Variants in MAP3K1 observed in about 807,000 individuals in gnomAD.
MAP3K1 encodes MAP/ERK kinase kinase 1.
In MAP3K1, 36 loss-of-function variants were observed where a neutral mutation model predicts 144.2. That is an observed-to-expected ratio of 0.25 (90% CI 0.19 to 0.33). The LOEUF is 0.33. Ranked by LOEUF, MAP3K1 falls within the 10% of genes least tolerant of loss-of-function variation. The pLI is 1.00. For synonymous variants in MAP3K1, 718 were observed against 688.7 expected (o/e 1.04, Z -0.67); for missense variants, 1,650 against 1,881.9 (o/e 0.88, Z 2.28).
intron 6 of MAP3K1, among the ~76,000 whole-genome samples, chr5:56,869,635 C>T (rs1052499043): frequency 4.6e-5 from 7 of 151,962 alleles, no homozygotes; most frequent in Non-Finnish European, 8.8e-5. Context: ...GGAAATACCC[C>T]GGAATGGTAT....
intron 2 of MAP3K1, among the ~76,000 whole-genome samples, chr5:56,857,274 A>G (rs938574193): frequency 6.6e-6 from 1 of 152,132 alleles, no homozygotes; most frequent in African/African-American, 2.4e-5. Context: ...TAATAGACCT[A>G]TGGGGATTAA....
chr5:56,848,058 A>G (rs1747051364), intron 1 of MAP3K1, among the ~76,000 whole-genome samples: 1 of 151,734 alleles, frequency 6.6e-6, no homozygotes, highest in East Asian at 1.9e-4. Context: ...CTAAAGGGAG[A>G]TTTGGGCATG....
chr5:56,872,743 C>T (rs541110794), intron 8 of MAP3K1, 21 bp downstream of exon 8: 25 of 1,588,672 alleles, frequency 1.6e-5, no homozygotes, highest in Admixed American at 6.7e-5. Flanking sequence ...TGAAATGATA[C>T]GGATATGTTT....
intron 6 of MAP3K1, among the ~76,000 whole-genome samples, chr5:56,871,426 T>C (rs893990002): frequency 1.2e-4 from 19 of 152,204 alleles, no homozygotes; most frequent in African/African-American, 4.6e-4. Flanking sequence ...AAATGTGATG[T>C]GTTCCTAGAT....
Position 56,894,992 on chromosome 5 carries a change from TGA to T in MAP3K1, c.*1314_*1315del, listed in dbSNP as rs1430454572. 2.2e-5 allele frequency: 5 copies of T among 231,824 alleles called. No homozygotes were observed. Among genetic ancestry groups the T allele is most frequent in the African/African-American group, 1.1e-4 (5 of 45,310 alleles). 14.4% of individuals were successfully genotyped at this position (231,824 alleles called of 1,614,324 possible). On this transcript the variant is annotated 3_prime_UTR_variant, in exon 20 of 20. Coordinates refer to ENST00000399503, the MANE Select transcript of MAP3K1 (RefSeq NM_005921.2). ...GCTTTTTAATCTTTTTGTGTGTGTG[TGA>T]GTCTTTTAAATCAAGTACTGATTAA...
intron 3 of MAP3K1, chr5:56,861,971 T>C (rs1747528808): frequency 6.6e-6 from 1 of 152,206 alleles, no homozygotes; most frequent in Non-Finnish European, 1.5e-5. Context: ...CATTTTACAG[T>C]AAAACCTGAT....
At chr5:56,835,924 T>C (rs555864019) in intron 1 of MAP3K1, among the ~76,000 whole-genome samples, 1 of 152,230 alleles carries the variant, frequency 6.6e-6, no homozygotes, top group Admixed American at 6.5e-5. Context: ...GTTAGAAATG[T>C]TTGTGTTCTC....
At chr5:56,822,255 C>G (rs62355952) in intron 1 of MAP3K1, among the ~76,000 whole-genome samples, 1 of 152,148 alleles carries the variant, frequency 6.6e-6, no homozygotes, top group Admixed American at 6.5e-5. Flanking sequence ...GAACTCCTGA[C>G]CTCAAGTGAT....
intron 1 of MAP3K1, among the ~76,000 whole-genome samples, chr5:56,831,516 G>A (rs1423147540): frequency 6.6e-6 from 1 of 151,870 alleles, no homozygotes; most frequent in Non-Finnish European, 1.5e-5. Context: ...TTTGTAATTC[G>A]AGTTTAATCA....
At chr5:56,852,781 C>T (rs1249917122) in intron 1 of MAP3K1, among the ~76,000 whole-genome samples, 1 of 152,088 alleles carries the variant, frequency 6.6e-6, no homozygotes, top group African/African-American at 2.4e-5. Context: ...TTGGAGATGG[C>T]TCTCATCTCC....
rs575823630 is a variant in MAP3K1 at position 56,891,749 on chromosome 5, A to C, written c.4390-1782A>C. ...AAGGGATCCAGTTTCAGCTTTCTAC[A>C]TATGGCTAGCCAGTTTTCCCAGAAC... On this transcript the variant is annotated intron_variant, in intron 19 of 19. Coordinates refer to ENST00000399503, the MANE Select transcript of MAP3K1 (RefSeq NM_005921.2). Among the ~76,000 whole-genome samples, 6 of 152,336 alleles carry C rather than the reference A, an allele frequency of 3.9e-5. No individual in the cohort carries two copies. In the East Asian group the frequency reaches 9.6e-4, roughly 24 times the overall value.
chr5:56,850,437 A>G (rs935557297), intron 1 of MAP3K1, among the ~76,000 whole-genome samples: 2 of 152,208 alleles, frequency 1.3e-5, no homozygotes, highest in Non-Finnish European at 2.9e-5. Context: ...AGTTGCCTCT[A>G]TTGCAGTGAA....
intron 1 of MAP3K1, among the ~76,000 whole-genome samples, chr5:56,846,570 T>C (rs1016880348): frequency 1.5e-4 from 23 of 152,246 alleles, no homozygotes; most frequent in African/African-American, 5.5e-4. Context: ...ATTTGTCTTA[T>C]CTCTTTTAGA....
At chr5:56,885,294 A>G (rs1470763035) in intron 16 of MAP3K1, among the ~76,000 whole-genome samples, 1 of 152,362 alleles carries the variant, frequency 6.6e-6, no homozygotes, top group East Asian at 1.9e-4. Flanking sequence ...AATGTATACA[A>G]TAAAATTAAT....
intron 1 of MAP3K1, among the ~76,000 whole-genome samples, chr5:56,823,220 C>T (rs1746207686): frequency 6.6e-6 from 1 of 152,184 alleles, no homozygotes; most frequent in Admixed American, 6.5e-5. Context: ...TCTGCTTCTC[C>T]AGGCCCATCT....
rs4565167 is a variant in MAP3K1 at position 56,881,089 on chromosome 5, T to G, written c.2186T>G (p.Ile729Ser). Residue 729 changes from isoleucine (I) to serine (S), a missense_variant, in exon 13 of 20, where the codon ATT (isoleucine) becomes AGT (serine). Physicochemically the swap from Ile to Ser is moderately radical, Grantham distance 142. This residue lies in a region of MAP3K1 where 841 missense variants were observed against 886.5 expected (regional missense o/e 0.95). Coordinates refer to ENST00000399503, the MANE Select transcript of MAP3K1 (RefSeq NM_005921.2). ...TTTACTTTCCTTTTTGTAGGATCCA[T>G]TGGTATTGGTGGTGTTGATTATGTC... ...VGREILKAGS[I>S]GIGGVDYVLN... The G allele has an allele frequency of 6.2e-7, 1 of 1,610,302 alleles. No homozygotes were observed. Among genetic ancestry groups the G allele is most frequent in the Non-Finnish European group, 8.5e-7 (1 of 1,176,934 alleles).
At chr5:56,876,189 C>G (rs1748022396) in intron 10 of MAP3K1, among the ~76,000 whole-genome samples, 1 of 151,002 alleles carries the variant, frequency 6.6e-6, no homozygotes, top group Admixed American at 6.6e-5. Context: ...GGGGGAGGGC[C>G]AGGGATGTTG....
intron 1 of MAP3K1, among the ~76,000 whole-genome samples, chr5:56,824,279 G>T (rs1000551858): frequency 1.3e-5 from 2 of 152,176 alleles, no homozygotes; most frequent in African/African-American, 4.8e-5. Context: ...GCAGCCAAAG[G>T]ACCTGTAACA....
At chr5:56,893,438 T>G in intron 19 of MAP3K1, 93 bp from the exon 20 acceptor site, 2 of 1,298,216 alleles carry the variant, frequency 1.5e-6, no homozygotes, top group South Asian at 2.4e-5. Flanking sequence ...CTGTTCAGGA[T>G]GTAAATGTAA....
Sources: allele counts gnomAD v4.1 joint callset (sites outside exome capture counted in the v4.1 genomes callset), GRCh38; gene constraint gnomAD v4.1.1; regional missense constraint gnomAD v4.1.1; transcripts MANE v1.5; gene names NCBI Gene and HGNC (gene_info 2026-07-23, HGNC 2026-07-21).